The following C14orf39 variants were observed in gnomAD, a reference collection of about 807,000 sequenced individuals.
C14orf39 encodes protein SIX6OS1.
A neutral mutation model predicts 85.6 loss-of-function variants in C14orf39; 66 were observed. The ratio of observed to expected loss-of-function variants is 0.77; its 90% CI spans 0.63 to 0.95. The LOEUF (loss-of-function observed/expected upper bound fraction) is 0.95. Among genes scored for constraint, C14orf39 ranks in the 40% least tolerant of loss-of-function variants. The pLI is 0.00. For missense variants in C14orf39, 735 were observed against 663.9 expected (o/e 1.11, Z -1.18); for synonymous variants, 242 against 214.0 (o/e 1.13, Z -1.14).
At chr14:60,460,836 A>T (rs1258438879) in intron 13 of C14orf39, among the ~76,000 whole-genome samples, 2 of 151,804 alleles carry the variant, frequency 1.3e-5, no homozygotes, top group African/African-American at 2.4e-5. Flanking sequence ...AAGGTATTAA[A>T]AGATTAATGT....
chr14:60,510,063 AATT>A (rs1893267615), intron 1 of C14orf39: 1 of 1,139,314 alleles, frequency 8.8e-7, no homozygotes, highest in Non-Finnish European at 1.3e-6. Context: ...TGGCGACTCC[AATT>A]CAGCAGGAGT....
At chr14:60,458,882 C>G (rs984400527) in intron 13 of C14orf39, 143 bp from the exon 14 acceptor site, 24 of 559,700 alleles carry the variant, frequency 4.3e-5, no homozygotes, top group Non-Finnish European at 7.1e-5. Context: ...ATAATACATA[C>G]AGATAAGAGA....
chr14:60,442,125 C>T lies in C14orf39; in HGVS notation c.1510G>A (p.Glu504Lys), dbSNP rs1057499699. 6.3e-7 allele frequency: 1 copy of T among 1,596,950 alleles called. No individual in the cohort carries two copies. The highest frequency in any genetic ancestry group is 1.3e-5 in the African/African-American group (1 of 74,524). ...TTTAGATTTCTTGCAGAATAATGTTCATTAAACTGGAAAATAATTTCCATT... is the reference window on the plus strand; with the variant it reads ...TTTAGATTTCTTGCAGAATAATGTTTATTAAACTGGAAAATAATTTCCATT... ...DTEISSDQFNEHYSARNLNPL... is the reference protein window; with the variant it reads ...DTEISSDQFNKHYSARNLNPL... Residue 504 changes from glutamate (E) to lysine (K), a missense_variant, in exon 17 of 18, where the codon GAA becomes AAA. Physicochemically the swap from Glu to Lys is moderately conservative, Grantham distance 56 (BLOSUM62 1). Transcript: ENST00000321731.
chr14:60,479,617 T>A (rs1029472033), intron 4 of C14orf39, among the ~76,000 whole-genome samples: 2 of 152,220 alleles, frequency 1.3e-5, no homozygotes, highest in Non-Finnish European at 2.9e-5. Context: ...CCTTTTGATG[T>A]ACATCCTTCT....
intron 2 of C14orf39, among the ~76,000 whole-genome samples, chr14:60,493,196 T>A (rs544637235): frequency 1.2e-4 from 18 of 152,328 alleles, no homozygotes; most frequent in African/African-American, 4.1e-4. Flanking sequence ...AGGACTAAAA[T>A]AAGCCCATAT....
Position 60,471,426 on chromosome 14 carries a change from G to A in C14orf39, c.545C>T (p.Thr182Ile). The change falls in exon 7 of 18, where the codon ACT (threonine) becomes ATT (isoleucine). Residue 182 changes from threonine (T) to isoleucine (I), a missense_variant. By Grantham distance (89) the Thr-to-Ile change is moderately conservative. Transcript: ENST00000321731. ...ATACTATTGTGGATACATGTTTAAA[G>A]TCCATTTAGTAAGTGATGGAAAGGG... ...PAPFPSLTKW[T>I]LNIVNLRCET... The A allele has an allele frequency of 1.9e-6, 3 of 1,594,686 alleles. No homozygotes were observed. Among genetic ancestry groups the A allele is most frequent in the Non-Finnish European group, 2.6e-6 (3 of 1,170,198 alleles).
At chr14:60,500,090 C>T (rs185330864) in intron 1 of C14orf39, among the ~76,000 whole-genome samples, 3 of 152,126 alleles carry the variant, frequency 2.0e-5, no homozygotes, top group South Asian at 2.1e-4. Context: ...TGCAATGGCG[C>T]GATCTTGGCT....
chr14:60,512,821 A>G (rs897032616), intron 1 of C14orf39: 1 of 152,232 alleles, frequency 6.6e-6, no homozygotes, highest in African/African-American at 2.4e-5. Flanking sequence ...AACAGATTGC[A>G]TATTATAAAA....
chr14:60,466,227 T>C (rs1246631509), intron 10 of C14orf39, among the ~76,000 whole-genome samples, 172 bp from the exon 11 acceptor site: 1 of 151,946 alleles, frequency 6.6e-6, no homozygotes, highest in East Asian at 1.9e-4. Context: ...CCTTACTATA[T>C]AATAGCTTTA....
chr14:60,503,858 T>C (rs950337213), intron 1 of C14orf39, among the ~76,000 whole-genome samples: 1 of 152,254 alleles, frequency 6.6e-6, no homozygotes, highest in Admixed American at 6.5e-5. Context: ...CTCTGAGTCC[T>C]TTGTAAATGC....
chr14:60,487,608 T>C (rs1337473426), upstream of C14orf39, among the ~76,000 whole-genome samples: 1 of 152,192 alleles, frequency 6.6e-6, no homozygotes, highest in Non-Finnish European at 1.5e-5. Flanking sequence ...CAGACATCTG[T>C]TCCACAAAGT....
At chr14:60,465,523 A>G (rs1891740934) in intron 11 of C14orf39, among the ~76,000 whole-genome samples, 1 of 152,084 alleles carries the variant, frequency 6.6e-6, no homozygotes, top group African/African-American at 2.4e-5. Context: ...TAAGATGAAC[A>G]GGGGGTTAAG....
chr14:60,474,729 C>G (rs1337541124), intron 5 of C14orf39, among the ~76,000 whole-genome samples: 2 of 151,900 alleles, frequency 1.3e-5, no homozygotes, highest in African/African-American at 2.4e-5. Context: ...GTTGAACCAG[C>G]CTTGCATCCC....
In C14orf39 at chr14:60,484,782, AT is replaced by A; in HGVS notation, c.106+98del. 2 of 824,198 alleles carry A rather than the reference AT, an allele frequency of 2.4e-6. No homozygotes were observed. The highest frequency in any genetic ancestry group is 3.9e-6 in the Non-Finnish European group (2 of 515,462). 51.1% of individuals were successfully genotyped at this position (824,198 alleles called of 1,614,324 possible). A position where few individuals can be genotyped will look rare whatever the true frequency, so the allele number is the denominator to read the frequency against. On this transcript the variant is annotated intron_variant, in intron 3 of 17. Coordinates refer to ENST00000321731, the MANE Select transcript of C14orf39 (RefSeq NM_174978.3). The surrounding 1 kb of genome is among the most constrained non-coding windows in gnomAD (Gnocchi z 4.2). ...GCTAGAGAGAACTGACACAAAAGTTATAACGCCAACAATAAGTTGCCCTAAA... is the reference window on the plus strand; with the variant it reads ...GCTAGAGAGAACTGACACAAAAGTTAAACGCCAACAATAAGTTGCCCTAAA...
chr14:60,443,026 A>G (rs141427946), intron 16 of C14orf39, among the ~76,000 whole-genome samples: 62 of 151,976 alleles, frequency 4.1e-4, no homozygotes, highest in African/African-American at 1.3e-3. Flanking sequence ...ATTTTTTAAC[A>G]TATAGAAGTT....
intron 1 of C14orf39, among the ~76,000 whole-genome samples, chr14:60,510,715 T>C (rs1893277637): frequency 6.6e-6 from 1 of 152,188 alleles, no homozygotes; most frequent in Non-Finnish European, 1.5e-5. Flanking sequence ...AGAAATGGTA[T>C]CCCATGTCCC....
chr14:60,483,785 T>A lies in C14orf39; in HGVS notation c.139A>T (p.Thr47Ser). 1 of 1,537,912 alleles carries A rather than the reference T, an allele frequency of 6.5e-7. No homozygotes were observed. The change falls in exon 4 of 18, where the codon ACT (threonine) becomes TCT (serine). Residue 47 changes from threonine to serine, a missense_variant. Transcript: ENST00000321731. ...ATAGTTTCGTGTATCCTACAAATAG[T>A]TACTTTGTTTTCCTTAATATCTTCA... ...CCEDIKENKVTICRIHETINA... is the reference protein window; with the variant it reads ...CCEDIKENKVSICRIHETINA...
chr14:60,439,890 A>G (rs1362972078), intron 17 of C14orf39, among the ~76,000 whole-genome samples: 1 of 152,200 alleles, frequency 6.6e-6, no homozygotes, highest in Non-Finnish European at 1.5e-5. Context: ...CCTGGCCAAC[A>G]TAGTGAGACC....
At chr14:60,490,725 A>T (rs911212640), upstream of C14orf39, among the ~76,000 whole-genome samples, 3 of 152,202 alleles carry the variant, frequency 2.0e-5, no homozygotes, top group Non-Finnish European at 4.4e-5. Context: ...TACAGCAAGA[A>T]GCAAAAACCA....
Sources: gnomAD v4.1 joint callset for allele counts (sites outside exome capture counted in the v4.1 genomes callset) on GRCh38, gnomAD v4.1.1 for gene constraint, Gnocchi (gnomAD v3.1) non-coding constraint, MANE v1.5 for transcripts, NCBI Gene and HGNC (gene_info 2026-07-23, HGNC 2026-07-21) for gene names.